Variants in MON1A observed in about 807,000 individuals in gnomAD.
MON1A encodes vacuolar fusion protein MON1 homolog A.
Under a neutral mutation model 44.6 loss-of-function variants are expected in MON1A, and 29 were observed. The ratio of observed to expected loss-of-function variants is 0.65; its 90% CI spans 0.48 to 0.89. The LOEUF is 0.89. MON1A is among the 40% of genes least tolerant of loss of function. The probability of loss-of-function intolerance (pLI) is 0.00; values close to 1 mark genes in which losing one functional copy is unlikely to be tolerated. For missense variants in MON1A, 615 were observed against 759.6 expected (o/e 0.81, Z 2.24); for synonymous variants, 275 against 316.4 (o/e 0.87, Z 1.39).
At chr3:49,918,810 G>A (rs1010329460) in intron 1 of MON1A, among the ~76,000 whole-genome samples, 3 of 152,078 alleles carry the variant, frequency 2.0e-5, no homozygotes, top group Admixed American at 2.0e-4. Context: ...CAGGTACATG[G>A]CTTCAGCAGC....
rs2082851900 is a variant in MON1A at position 49,909,716 on chromosome 3, A to G, written c.1380-316T>C. 2 of 369,076 alleles carry G rather than the reference A, an allele frequency of 5.4e-6. No individual in the cohort carries two copies. Among genetic ancestry groups the G allele is most frequent in the Non-Finnish European group, 9.8e-6 (2 of 204,006 alleles). 22.9% of individuals were successfully genotyped at this position (369,076 alleles called of 1,614,324 possible). Reference sequence around the variant, plus strand: ...ATCTGGAGTAGAGGAAAGGTGAGCTAGGAATCCTGTGGGCCAAAAGGGACA... The same window carrying G: ...ATCTGGAGTAGAGGAAAGGTGAGCTGGGAATCCTGTGGGCCAAAAGGGACA... On this transcript the variant is annotated intron_variant, in intron 4 of 5. Transcript: ENST00000296473. The surrounding 1 kb of genome is among the most constrained non-coding windows in gnomAD (Gnocchi z 4.0).
intron 1 of MON1A, among the ~76,000 whole-genome samples, chr3:49,918,562 C>G (rs2082968536): frequency 6.6e-6 from 1 of 151,908 alleles, no homozygotes; most frequent in Admixed American, 6.6e-5. Flanking sequence ...CAAGCACCCA[C>G]CACTTCGCCC....
chr3:49,924,946 A>G (rs1385944264), intron 1 of MON1A, among the ~76,000 whole-genome samples: 1 of 152,202 alleles, frequency 6.6e-6, no homozygotes, highest in African/African-American at 2.4e-5. Context: ...CTTCAACGTA[A>G]TAAGAGACCC....
rs780439068 is a variant in MON1A, at chr3:49,909,061, G to C, written c.1621C>G (p.Arg541Gly). ...SAIHKLMRWI[R>G]KEEDRLFILT... is the part of the protein sequence containing the mutation. ...ATGAAGAGGCGGTCTTCCTCTTTGCGGATCCAGCGCATCAGCTTATGGATG... is the reference window on the plus strand; with the variant it reads ...ATGAAGAGGCGGTCTTCCTCTTTGCCGATCCAGCGCATCAGCTTATGGATG... The change falls in exon 6 of 6, where the codon CGC (arginine) becomes GGC (glycine). Residue 541 changes from arginine (R) to glycine (G), a missense_variant. By Grantham distance (125) the Arg-to-Gly change is moderately radical. Transcript: ENST00000296473. This position sits in a 1 kb window ranked among gnomAD's most constrained non-coding sequence, Gnocchi z 4.0. 6.2e-7 allele frequency: 1 copy of C among 1,613,906 alleles called. No individual in the cohort carries two copies. Among genetic ancestry groups the C allele is most frequent in the Admixed American group, 1.7e-5 (1 of 59,988 alleles).
In MON1A at chr3:49,910,612, G is replaced by C. The variant is rs1278014140; in HGVS notation, c.886C>G (p.Leu296Val). The change falls in exon 4 of 6, where the codon CTG becomes GTG. Residue 296 changes from leucine (L) to valine (V), a missense_variant. Physicochemically the swap from Leu to Val is conservative, Grantham distance 32 (BLOSUM62 1). Transcript: ENST00000296473. This position sits in a 1 kb window ranked among gnomAD's most constrained non-coding sequence, Gnocchi z 8.0. ...PSFLMGAARC[L>V]PLAAAVRDTV... ...TCGCGCACGGCCGCCGCCAGGGGCA[G>C]GCACCGTGCCGCCCCCATCAGGAAG... 2 of 1,603,638 alleles carry C rather than the reference G, an allele frequency of 1.2e-6. No homozygotes were observed. Among genetic ancestry groups the C allele is most frequent in the Middle Eastern group, 1.7e-4 (1 of 6,048 alleles).
Position 49,909,846 on chromosome 3 carries a change from G to A in MON1A, c.1379+273C>T. 1 of 413,182 alleles carries A rather than the reference G, an allele frequency of 2.4e-6. No homozygotes were observed. Among genetic ancestry groups the A allele is most frequent in the East Asian group, 3.8e-5 (1 of 26,106 alleles). The allele number at this position is 413,182 out of a possible 1,614,324, so 25.6% of individuals were successfully genotyped here. A position where few individuals can be genotyped will look rare whatever the true frequency, so the allele number is the denominator to read the frequency against. ...GACCCCTAAAGTAGAGTTGCTCCAG[G>A]GCAAGGGACCCCGGAGACCTCTGTT... On this transcript the variant is annotated intron_variant, in intron 4 of 5. Transcript: ENST00000296473. This position sits in a 1 kb window ranked among gnomAD's most constrained non-coding sequence, Gnocchi z 4.0.
chr3:49,925,074 T>C lies in MON1A; in HGVS notation c.-14+4535A>G, dbSNP rs200184615. On this transcript the variant is annotated intron_variant, in intron 1 of 5. Coordinates refer to ENST00000296473, the MANE Select transcript of MON1A (RefSeq NM_032355.4). ...TTTGGCATAATTTGTTACACAGCAA[T>C]AGTTAACTAATATACCAAACTTATG... Among the ~76,000 whole-genome samples, 5 of 152,306 alleles carry C rather than the reference T, an allele frequency of 3.3e-5. No homozygotes were observed. The East Asian group carries it at 7.7e-4, about 24-fold the overall frequency.
Position 49,911,225 on chromosome 3 carries a change from G to GATAGATAGATAGATAGATGATAGATAC in MON1A, c.613+300_613+301insGTATCTATCATCTATCTATCTATCTAT, listed in dbSNP as rs1379371763. ...AGATAGATAGATAGATAGATAGATA[G>GATAGATAGATAGATAGATGATAGATAC]ATAGATAGATAGATAGATAGAGTTT... On this transcript the variant is annotated intron_variant, in intron 3 of 5. Coordinates refer to ENST00000296473, the MANE Select transcript of MON1A (RefSeq NM_032355.4). The surrounding 1 kb of genome is among the most constrained non-coding windows in gnomAD (Gnocchi z 5.7). Among the ~76,000 whole-genome samples, 1,263 of 151,362 alleles carry GATAGATAGATAGATAGATGATAGATAC rather than the reference G, an allele frequency of 8.3e-3. 12 individuals carry two copies. The highest frequency in any genetic ancestry group is 0.029 in the African/African-American group (1,190 of 40,896).
intron 1 of MON1A, among the ~76,000 whole-genome samples, chr3:49,925,066 C>T (rs188968724): frequency 5.9e-5 from 9 of 152,258 alleles, no homozygotes; most frequent in African/African-American, 2.2e-4. Context: ...TAATTTGTTA[C>T]ACAGCAATAG....
Position 49,910,226 on chromosome 3 carries a change from C to T in MON1A, c.1272G>A (p.Leu424=), listed in dbSNP as rs1427557854. The T allele has an allele frequency of 1.9e-6, 3 of 1,613,996 alleles. No homozygotes were observed. The East Asian group carries it at 6.7e-5, about 36-fold the overall frequency. The part of the protein sequence containing the change: ...QERLRKRGAH[L]ALREALRTPY... ...GTGTGCGCAGTGCCTCTCGCAGGGC[C>T]AGGTGGGCTCCGCGCTTGCGAAGGC... The change falls in exon 4 of 6, where the codon CTG becomes CTA. Residue 424 remains leucine, a synonymous_variant. Coordinates refer to ENST00000296473, the MANE Select transcript of MON1A (RefSeq NM_032355.4). This position sits in a 1 kb window ranked among gnomAD's most constrained non-coding sequence, Gnocchi z 8.0.
rs1281588865 is a variant in MON1A at position 49,910,932 on chromosome 3, C to T, written c.614-48G>A. 8 of 1,534,294 alleles carry T rather than the reference C, an allele frequency of 5.2e-6. No homozygotes were observed. Among genetic ancestry groups the T allele is most frequent in the Non-Finnish European group, 7.0e-6 (8 of 1,138,506 alleles). ...GGATGTCAGCCTCAGCGGCAGCTCCCTCCGAAAACCGCCTTCCAGCGCAGC... is the reference window on the plus strand; with the variant it reads ...GGATGTCAGCCTCAGCGGCAGCTCCTTCCGAAAACCGCCTTCCAGCGCAGC... On this transcript the variant is annotated intron_variant, in intron 3 of 5. Transcript: ENST00000296473. The surrounding 1 kb of genome is among the most constrained non-coding windows in gnomAD (Gnocchi z 8.0).
rs773143100 is a variant in MON1A at position 49,910,681 on chromosome 3, G to T, written c.817C>A (p.Arg273Ser). ...AGCTGCAGCAGGTTGTCGGTGATGC[G>T]CTCTGAGCCCGAGAGTAGGCGCCGC... ...DLRRLLSGSERITDNLLQLMA... is the reference protein window; with the variant it reads ...DLRRLLSGSESITDNLLQLMA... Residue 273 changes from arginine to serine, a missense_variant, in exon 4 of 6, where the codon CGC becomes AGC. Arg to Ser is a moderately radical substitution (Grantham distance 110). Transcript: ENST00000296473. The surrounding 1 kb of genome is among the most constrained non-coding windows in gnomAD (Gnocchi z 8.0). The T allele has an allele frequency of 6.2e-7, 1 of 1,610,862 alleles. No homozygotes were observed. The highest frequency in any genetic ancestry group is 1.7e-5 in the Admixed American group (1 of 59,570).
chr3:49,909,116 G>C lies in MON1A; in HGVS notation c.1566C>G (p.Pro522=), dbSNP rs1459890545. The C allele has an allele frequency of 6.2e-7, 1 of 1,613,298 alleles. No homozygotes were observed. Among genetic ancestry groups the C allele is most frequent in the Non-Finnish European group, 8.5e-7 (1 of 1,179,552 alleles). ...GAFELYMCYS[P]LGTKASAVSA... is the part of the protein sequence containing the mutation. ...TGACGGCTGACGCCTTGGTCCCCAG[G>C]GGGCTGTAACACATGTAGAGCTCAA... is the stretch of plus-strand genomic sequence containing the variant. The change falls in exon 6 of 6, where the codon CCC becomes CCG. Residue 522 remains proline, a synonymous_variant. Coordinates refer to ENST00000296473, the MANE Select transcript of MON1A (RefSeq NM_032355.4). This position sits in a 1 kb window ranked among gnomAD's most constrained non-coding sequence, Gnocchi z 4.0.
In MON1A at chr3:49,911,762, GCCC is replaced by G; in HGVS notation, c.374_376del (p.Gly125del). The G allele has an allele frequency of 6.2e-7, 1 of 1,613,320 alleles. No homozygotes were observed. Among genetic ancestry groups the G allele is most frequent in the Non-Finnish European group, 8.5e-7 (1 of 1,179,730 alleles). The stretch of plus-strand genomic sequence containing the variant: ...GGGCTCTGTGGCTGGTCGCCCAACT[GCCC>G]CTGGGGGTTCCAGCCAATCCTCAGA... On this transcript the variant is annotated inframe_deletion, in exon 3 of 6. Transcript: ENST00000296473. The surrounding 1 kb of genome is among the most constrained non-coding windows in gnomAD (Gnocchi z 5.7).
In MON1A at chr3:49,910,450, T is replaced by C; in HGVS notation, c.1048A>G (p.Asn350Asp). 1 of 1,614,182 alleles carries C rather than the reference T, an allele frequency of 6.2e-7. No homozygotes were observed. The highest frequency in any genetic ancestry group is 8.5e-7 in the Non-Finnish European group (1 of 1,180,038). Residue 350 changes from asparagine (N) to aspartate (D), a missense_variant, in exon 4 of 6, where the codon AAC becomes GAC. Coordinates refer to ENST00000296473, the MANE Select transcript of MON1A (RefSeq NM_032355.4). This position sits in a 1 kb window ranked among gnomAD's most constrained non-coding sequence, Gnocchi z 8.0. ...LHPIDLHLLF[N>D]LISSSSSFRE... Reference sequence around the variant, plus strand: ...AAGGACGAGGAGGAACTAATGAGGTTGAAGAGCAGGTGCAGGTCGATGGGG... The same window carrying C: ...AAGGACGAGGAGGAACTAATGAGGTCGAAGAGCAGGTGCAGGTCGATGGGG...
chr3:49,911,809 C>T lies in MON1A; in HGVS notation c.330G>A (p.Glu110=), dbSNP rs2082889724. 2 of 1,613,850 alleles carry T rather than the reference C, an allele frequency of 1.2e-6. No individual in the cohort carries two copies. Among genetic ancestry groups the T allele is most frequent in the African/African-American group, 2.7e-5 (2 of 74,936 alleles). ...QLTGVARDLQ[E]EMLPGSSEDW... Reference sequence around the variant, plus strand: ...CCTCAGAGCTTCCTGGCAGCATCTCCTCCTGCAGGTCCCGGGCCACACCCG... The same window carrying T: ...CCTCAGAGCTTCCTGGCAGCATCTCTTCCTGCAGGTCCCGGGCCACACCCG... Residue 110 remains glutamate, a synonymous_variant, in exon 3 of 6, where the codon GAG becomes GAA. Coordinates refer to ENST00000296473, the MANE Select transcript of MON1A (RefSeq NM_032355.4). This position sits in a 1 kb window ranked among gnomAD's most constrained non-coding sequence, Gnocchi z 5.7.
At chr3:49,914,540 ATTTTTTTTTTT>A (rs35967703) in intron 1 of MON1A, among the ~76,000 whole-genome samples, 3 of 85,958 alleles carry the variant, frequency 3.5e-5, no homozygotes, top group African/African-American at 1.6e-4. Flanking sequence ...CGCCTGCCTA[ATTTTTTTTTTT>A]TTTTTTTTTT....
At chr3:49,915,467 T>C (rs2082935773) in intron 1 of MON1A, among the ~76,000 whole-genome samples, 1 of 152,164 alleles carries the variant, frequency 6.6e-6, no homozygotes, top group African/African-American at 2.4e-5. Context: ...AAGTCAAGGC[T>C]GCAGTAAGCT....
At chr3:49,923,175 A>G (rs1473756146) in intron 1 of MON1A, among the ~76,000 whole-genome samples, 1 of 151,506 alleles carries the variant, frequency 6.6e-6, no homozygotes, top group Non-Finnish European at 1.5e-5. Context: ...CCCCATCTCT[A>G]TGAAAAATAC....
Sources: gnomAD v4.1 joint callset for allele counts (sites outside exome capture counted in the v4.1 genomes callset) on GRCh38, gnomAD v4.1.1 for gene constraint, Gnocchi (gnomAD v3.1) non-coding constraint, MANE v1.5 for transcripts, NCBI Gene and HGNC (gene_info 2026-07-23, HGNC 2026-07-21) for gene names.